SLC44A5: variants seen among roughly 807,000 people sequenced by gnomAD.
The protein encoded by SLC44A5 is choline transporter-like protein 5.
A neutral mutation model predicts 101.8 loss-of-function variants in SLC44A5; 57 were observed. The ratio of observed to expected loss-of-function variants is 0.56; its 90% CI spans 0.45 to 0.70. SLC44A5 has a LOEUF of 0.70. SLC44A5 is among the 30% of genes least tolerant of loss of function. The pLI is 0.00. For missense variants in SLC44A5, 737 were observed against 853.1 expected (o/e 0.86, Z 1.70); for synonymous variants, 281 against 290.9 (o/e 0.97, Z 0.35).
chr1:75,334,225 T>G (rs1017088027), intron 4 of SLC44A5, among the ~76,000 whole-genome samples: 1 of 152,210 alleles, frequency 6.6e-6, no homozygotes, highest in African/African-American at 2.4e-5. Context: ...CTTGTCTGTT[T>G]TGTTCATCAG....
rs1044678060 is a variant in SLC44A5 at position 75,340,869 on chromosome 1, A to G, written c.53-1239T>C. Among the ~76,000 whole-genome samples the G allele has an allele frequency of 2.0e-5, 3 of 152,246 alleles. 1 individual carries two copies. In the South Asian group the frequency reaches 6.2e-4, roughly 32 times the overall value. ...GAAATCTGGCTTTCAGAAAGAAGTTATTGAAGTAAATGTTCAAAGAGAAAC... is the reference window on the plus strand; with the variant it reads ...GAAATCTGGCTTTCAGAAAGAAGTTGTTGAAGTAAATGTTCAAAGAGAAAC... On this transcript the variant is annotated intron_variant, in intron 3 of 23. Coordinates refer to ENST00000370859, the MANE Select transcript of SLC44A5 (RefSeq NM_001130058.2).
chr1:75,579,016 A>C (rs1249828300), intron 1 of SLC44A5, among the ~76,000 whole-genome samples: 1 of 152,208 alleles, frequency 6.6e-6, no homozygotes, highest in African/African-American at 2.4e-5. Context: ...ATAAATATTC[A>C]AATCAATAAT....
At chr1:75,466,115 C>T (rs114870912) in intron 2 of SLC44A5, among the ~76,000 whole-genome samples, 3,445 of 152,196 alleles carry the variant, frequency 0.023, 56 homozygotes, top group Non-Finnish European at 0.038. Context: ...AATATTGACA[C>T]AAATATCTTC....
intron 1 of SLC44A5, among the ~76,000 whole-genome samples, chr1:75,576,923 T>C (rs543072247): frequency 6.6e-6 from 1 of 152,314 alleles, no homozygotes; most frequent in East Asian, 1.9e-4. Flanking sequence ...AGTGAAGATT[T>C]ACCTCTTCTT....
intron 23 of SLC44A5, chr1:75,206,684 T>A: frequency 6.2e-6 from 10 of 1,612,924 alleles, no homozygotes; most frequent in Non-Finnish European, 8.5e-6. Context: ...AAGTAGGGTT[T>A]TTCTGTAGAT....
rs1652790411 is a variant in SLC44A5 at position 75,283,512 on chromosome 1, A to T, written c.176-8470T>A. On this transcript the variant is annotated intron_variant, in intron 5 of 23. Coordinates refer to ENST00000370859, the MANE Select transcript of SLC44A5 (RefSeq NM_001130058.2). ...GAAGCTTTTTAGTTAAGTCCCATCA[A>T]TTTATCTTTGTTTTTTTGTCACATT... Among the ~76,000 whole-genome samples, 3 of 151,884 alleles carry T rather than the reference A, an allele frequency of 2.0e-5. 1 individual carries two copies. Among genetic ancestry groups the T allele is most frequent in the Admixed American group, 2.0e-4 (3 of 15,240 alleles).
intron 1 of SLC44A5, among the ~76,000 whole-genome samples, chr1:75,549,255 T>C (rs1257386615): frequency 6.6e-6 from 1 of 152,162 alleles, no homozygotes; most frequent in Non-Finnish European, 1.5e-5. Flanking sequence ...GATAGCTGCC[T>C]AGTAAAATAC....
At chr1:75,467,313 A>G (rs755718186) in intron 2 of SLC44A5, among the ~76,000 whole-genome samples, 23 of 152,348 alleles carry the variant, frequency 1.5e-4, no homozygotes, top group Middle Eastern at 3.4e-3. Flanking sequence ...TATTCTCCAC[A>G]GAAATAGAAA....
intron 4 of SLC44A5, among the ~76,000 whole-genome samples, chr1:75,319,197 A>G (rs1380254886): frequency 1.3e-5 from 2 of 152,166 alleles, no homozygotes; most frequent in Non-Finnish European, 2.9e-5. Context: ...TAATATTTGT[A>G]CAAAAGAAAA....
At chr1:75,488,536 T>A (rs1253710002) in intron 2 of SLC44A5, among the ~76,000 whole-genome samples, 1 of 152,240 alleles carries the variant, frequency 6.6e-6, no homozygotes. Flanking sequence ...AAGTACTGAG[T>A]TAATTTGTGT....
intron 5 of SLC44A5, 30 bp from the exon 6 acceptor site, chr1:75,275,072 A>C (rs1271796536): frequency 1.3e-6 from 2 of 1,585,170 alleles, no homozygotes; most frequent in Non-Finnish European, 1.7e-6. Flanking sequence ...CAAATATGCT[A>C]TCAGCAAAAG....
At chr1:75,453,324 C>A (rs566504607) in intron 2 of SLC44A5, among the ~76,000 whole-genome samples, 21 of 152,074 alleles carry the variant, frequency 1.4e-4, no homozygotes, top group Non-Finnish European at 2.5e-4. Context: ...TCAATAAATT[C>A]TTTGAAATAA....
At chr1:75,452,764 A>G (rs1227995695) in intron 2 of SLC44A5, among the ~76,000 whole-genome samples, 3 of 152,132 alleles carry the variant, frequency 2.0e-5, no homozygotes, top group African/African-American at 7.2e-5. Flanking sequence ...GATAAAACAG[A>G]CTTTAAACTA....
the SLC44A5 span, among the ~76,000 whole-genome samples, chr1:75,665,549 G>T: frequency 1.3e-5 from 2 of 152,164 alleles, no homozygotes; most frequent in Non-Finnish European, 2.9e-5. Flanking sequence ...CCTGGGGAAA[G>T]AATTTATAAC....
chr1:75,361,444 T>C (rs755546022), intron 3 of SLC44A5, among the ~76,000 whole-genome samples: 1 of 152,052 alleles, frequency 6.6e-6, no homozygotes, highest in African/African-American at 2.4e-5. Context: ...AGTATGTTAG[T>C]TTCACTATTG....
At position 75,211,563 on chromosome 1, in the gene SLC44A5, A is replaced by G. The variant is rs776855404; in HGVS notation, c.1963-11T>C. ...CCCAAAAATGACTGTCTGTAAATGGATGAAGAAGAGAACCAACATGTCATT... is the reference window on the plus strand; with the variant it reads ...CCCAAAAATGACTGTCTGTAAATGGGTGAAGAAGAGAACCAACATGTCATT... On this transcript the variant is annotated splice_polypyrimidine_tract_variant and intron_variant, in intron 22 of 23. Transcript: ENST00000370859. The G allele has an allele frequency of 2.3e-5, 36 of 1,586,408 alleles. No homozygotes were observed. The highest frequency in any genetic ancestry group is 1.2e-4 in the Admixed American group (7 of 59,772).
chr1:75,494,534 T>A (rs373631066), intron 2 of SLC44A5, among the ~76,000 whole-genome samples: 7 of 152,304 alleles, frequency 4.6e-5, no homozygotes, highest in African/African-American at 1.7e-4. Flanking sequence ...AACAGGCATG[T>A]GGCATGCCCA....
At chr1:75,651,696 C>CAAAAAA in the SLC44A5 span, among the ~76,000 whole-genome samples, 2 of 70,152 alleles carry the variant, frequency 2.9e-5, no homozygotes, top group African/African-American at 5.1e-5. Flanking sequence ...GACTCTGTCT[C>CAAAAAA]AAAAAAAAAA....
chr1:75,229,162 C>T (rs1647337537), intron 12 of SLC44A5, among the ~76,000 whole-genome samples: 1 of 151,912 alleles, frequency 6.6e-6, no homozygotes. Context: ...TGTATGGCCA[C>T]CCTCAAGAGT....
Sources: gnomAD v4.1 joint callset for allele counts (sites outside exome capture counted in the v4.1 genomes callset) on GRCh38, gnomAD v4.1.1 for gene constraint, MANE v1.5 for transcripts, NCBI Gene and HGNC (gene_info 2026-07-23, HGNC 2026-07-21) for gene names.